Variants in SRSF10 observed in about 807,000 individuals in gnomAD.
SRSF10 encodes the protein serine and arginine rich splicing factor 10.
SRSF10 carries 9 observed loss-of-function variants against 32.6 expected under a neutral mutation model. The observed-to-expected ratio is 0.28, with a 90% CI of 0.17 to 0.48. The LOEUF (loss-of-function observed/expected upper bound fraction) is 0.48. SRSF10 is among the 20% of genes least tolerant of loss of function. The pLI is 0.99. For synonymous variants in SRSF10, 105 were observed against 112.4 expected (o/e 0.93, Z 0.42); for missense variants, 201 against 331.8 (o/e 0.61, Z 3.06).
intron 3 of SRSF10, among the ~76,000 whole-genome samples, chr1:23,974,752 C>T (rs1388789330): frequency 1.3e-5 from 2 of 151,748 alleles, no homozygotes; most frequent in Non-Finnish European, 1.5e-5. Context: ...TCATTTGAAC[C>T]CGGGAGGTGG....
rs1641600124 is a variant in SRSF10, at chr1:23,969,080, T to G, written c.*2062A>C. ...CTGTAATAATTCCAGTTAATCATTA[T>G]TTCCTTCATTTTGTTTTTATTATAG... is the stretch of plus-strand genomic sequence containing the variant. On this transcript the variant is annotated 3_prime_UTR_variant, in exon 6 of 6. Transcript: ENST00000492112. 1.0e-6 allele frequency: 1 copy of G among 963,650 alleles called. No individual in the cohort carries two copies. Among genetic ancestry groups the G allele is most frequent in the Non-Finnish European group, 1.2e-6 (1 of 809,692 alleles). The allele number at this position is 963,650 out of a possible 1,614,324, so 59.7% of individuals were successfully genotyped here.
rs1641713429 is a variant in SRSF10, at chr1:23,970,819, G to T, written c.*323C>A. The T allele has an allele frequency of 1.9e-6, 2 of 1,079,050 alleles. No individual in the cohort carries two copies. Among genetic ancestry groups the T allele is most frequent in the South Asian group, 3.5e-5 (1 of 28,308 alleles). The allele number at this position is 1,079,050 out of a possible 1,614,324, so 66.8% of individuals were successfully genotyped here. On this transcript the variant is annotated 3_prime_UTR_variant, in exon 6 of 6. Transcript: ENST00000492112. ...AGTTCTACCAAATATGAATATGAAA[G>T]TTTATTTTTAATGAGACAATGTTGC...
chr1:23,973,051 G>A lies in SRSF10; in HGVS notation c.275-1039C>T, dbSNP rs111480657. ...TTGAGCCACCGTGCCCAGCCCTGGA[G>A]TCTGTTTTAGAGGTGTCTGTAGTTT... is the stretch of plus-strand genomic sequence containing the variant. On this transcript the variant is annotated intron_variant, in intron 3 of 5. Coordinates refer to ENST00000492112, the MANE Select transcript of SRSF10 (RefSeq NM_054016.4). Among the ~76,000 whole-genome samples, 311 of 152,226 alleles carry A rather than the reference G, an allele frequency of 2.0e-3. 1 individual carries two copies. The highest frequency in any genetic ancestry group is 6.6e-3 in the African/African-American group (273 of 41,530).
intron 2 of SRSF10, chr1:23,975,349 C>G: frequency 3.1e-6 from 1 of 321,966 alleles, no homozygotes. Context: ...AGCTGAATCA[C>G]CAAGTTGTCC....
rs1641527960 is a variant in SRSF10 at position 23,967,886 on chromosome 1, C to T, written c.*3256G>A. Reference sequence around the variant, plus strand: ...TTTCCCCTGGGATGTAACTTAACAGCTCATACTCTATGTAGCACCTTTCCT... The same window carrying T: ...TTTCCCCTGGGATGTAACTTAACAGTTCATACTCTATGTAGCACCTTTCCT... On this transcript the variant is annotated 3_prime_UTR_variant, in exon 6 of 6. Transcript: ENST00000492112. 6.5e-7 allele frequency: 1 copy of T among 1,548,568 alleles called. No individual in the cohort carries two copies. The highest frequency in any genetic ancestry group is 8.7e-7 in the Non-Finnish European group (1 of 1,146,352).
chr1:23,973,205 A>G (rs1641879804), intron 3 of SRSF10, among the ~76,000 whole-genome samples: 1 of 152,262 alleles, frequency 6.6e-6, no homozygotes, highest in African/African-American at 2.4e-5. Context: ...TATGTTAAAA[A>G]TAATACTAAT....
At chr1:23,979,304 G>C (rs991160857) in intron 1 of SRSF10, among the ~76,000 whole-genome samples, 1 of 124,816 alleles carries the variant, frequency 8.0e-6, no homozygotes, top group Non-Finnish European at 1.9e-5. Flanking sequence ...TTTATGGAAA[G>C]AATTATTGCT....
In SRSF10 at chr1:23,971,139, C is replaced by A; in HGVS notation, c.*3G>T. 3 of 1,597,928 alleles carry A rather than the reference C, an allele frequency of 1.9e-6. No homozygotes were observed. Among genetic ancestry groups the A allele is most frequent in the South Asian group, 2.3e-5 (2 of 87,774 alleles). ...TGCCTAAAAATGACCATGGTTTATA[C>A]TATCAGTGGCCACTGGACTTAGGAC... On this transcript the variant is annotated 3_prime_UTR_variant, in exon 6 of 6. Coordinates refer to ENST00000492112, the MANE Select transcript of SRSF10 (RefSeq NM_054016.4).
rs1350095141 is a variant in SRSF10 at position 23,966,490 on chromosome 1, G to A, written c.*4652C>T. ...TATTTATTCGCTATACACAGAACAT[G>A]TCCCCTATAAAATGTACATGTAAAT... On this transcript the variant is annotated 3_prime_UTR_variant, in exon 6 of 6. Coordinates refer to ENST00000492112, the MANE Select transcript of SRSF10 (RefSeq NM_054016.4). The A allele has an allele frequency of 1.3e-5, 2 of 151,964 alleles. No homozygotes were observed. The highest frequency in any genetic ancestry group is 1.9e-4 in the East Asian group (1 of 5,196). The allele number at this position is 151,964 out of a possible 1,614,324, so 9.4% of individuals were successfully genotyped here.
intron 2 of SRSF10, chr1:23,978,075 G>A (rs1642199045): frequency 5.1e-6 from 5 of 985,348 alleles, no homozygotes; most frequent in Non-Finnish European, 6.0e-6. Context: ...TGTAGATAAA[G>A]CGAGGCTTTG....
chr1:23,978,559 G>C (rs1014849767), intron 2 of SRSF10, 154 bp downstream of exon 2: 15 of 959,564 alleles, frequency 1.6e-5, no homozygotes, highest in Non-Finnish European at 2.0e-5. Context: ...TTAATAACGA[G>C]AGCAATGTGT....
At position 23,967,887 on chromosome 1, in the gene SRSF10, T is replaced by C. The variant is rs1378348084; in HGVS notation, c.*3255A>G. The C allele has an allele frequency of 6.5e-7, 1 of 1,549,168 alleles. No individual in the cohort carries two copies. Among genetic ancestry groups the C allele is most frequent in the Admixed American group, 2.0e-5 (1 of 50,600 alleles). Reference sequence around the variant, plus strand: ...TTCCCCTGGGATGTAACTTAACAGCTCATACTCTATGTAGCACCTTTCCTC... The same window carrying C: ...TTCCCCTGGGATGTAACTTAACAGCCCATACTCTATGTAGCACCTTTCCTC... On this transcript the variant is annotated 3_prime_UTR_variant, in exon 6 of 6. Coordinates refer to ENST00000492112, the MANE Select transcript of SRSF10 (RefSeq NM_054016.4).
chr1:23,977,707 T>C, intron 2 of SRSF10: 1 of 223,254 alleles, frequency 4.5e-6, no homozygotes, highest in Non-Finnish European at 7.5e-6. Context: ...ATATGCTGAA[T>C]TTAATCTTAA....
At position 23,978,833 on chromosome 1, in the gene SRSF10, A is replaced by G. The variant is rs1570793678; in HGVS notation, c.66-16T>C. On this transcript the variant is annotated splice_polypyrimidine_tract_variant and intron_variant, in intron 1 of 5. Transcript: ENST00000492112. ...GTCTTCAGACCTAAAACATCATAAA[A>G]AGACCTCAAATTTTTATGTCCAAGT... 1 of 1,593,688 alleles carries G rather than the reference A, an allele frequency of 6.3e-7. No homozygotes were observed. Among genetic ancestry groups the G allele is most frequent in the South Asian group, 1.1e-5 (1 of 87,594 alleles).
At position 23,967,855 on chromosome 1, in the gene SRSF10, C is replaced by T; in HGVS notation, c.*3287G>A. ...TTCAAGAGAATAATACAATAGTTCC[C>T]AGGTCTTTCCCCTGGGATGTAACTT... On this transcript the variant is annotated 3_prime_UTR_variant, in exon 6 of 6. Coordinates refer to ENST00000492112, the MANE Select transcript of SRSF10 (RefSeq NM_054016.4). 1.3e-6 allele frequency: 2 copies of T among 1,550,084 alleles called. No individual in the cohort carries two copies. Among genetic ancestry groups the T allele is most frequent in the Non-Finnish European group, 1.7e-6 (2 of 1,146,878 alleles).
rs1641669541 is a variant in SRSF10 at position 23,970,331 on chromosome 1, T to C, written c.*811A>G. 1.1e-6 allele frequency: 1 copy of C among 906,012 alleles called. No individual in the cohort carries two copies. The highest frequency in any genetic ancestry group is 1.8e-5 in the African/African-American group (1 of 55,284). 56.1% of individuals were successfully genotyped at this position (906,012 alleles called of 1,614,324 possible). A position where few individuals can be genotyped will look rare whatever the true frequency, so the allele number is the denominator to read the frequency against. On this transcript the variant is annotated 3_prime_UTR_variant, in exon 6 of 6. Transcript: ENST00000492112. ...AACAAAAGAACTAATCCACACTGCATCAAAAATAATTATCATTGGCCTAGA... is the reference window on the plus strand; with the variant it reads ...AACAAAAGAACTAATCCACACTGCACCAAAAATAATTATCATTGGCCTAGA...
chr1:23,973,454 C>T (rs1570777261), intron 3 of SRSF10, among the ~76,000 whole-genome samples: 1 of 152,112 alleles, frequency 6.6e-6, no homozygotes, highest in Non-Finnish European at 1.5e-5. Context: ...CTAGCGGGGA[C>T]CACAGGTGTG....
chr1:23,969,548 C>A lies in SRSF10; in HGVS notation c.*1594G>T, dbSNP rs1222390300. On this transcript the variant is annotated 3_prime_UTR_variant, in exon 6 of 6. Coordinates refer to ENST00000492112, the MANE Select transcript of SRSF10 (RefSeq NM_054016.4). ...ACAGGCAAAGCCTAGATTACTAAAACCGAAATTGAAAAAAGTAATCCTCTA... is the reference window on the plus strand; with the variant it reads ...ACAGGCAAAGCCTAGATTACTAAAAACGAAATTGAAAAAAGTAATCCTCTA... 43 of 985,238 alleles carry A rather than the reference C, an allele frequency of 4.4e-5. No individual in the cohort carries two copies. In the South Asian group the frequency reaches 1.6e-3, roughly 36 times the overall value. The allele number at this position is 985,238 out of a possible 1,614,324, so 61.0% of individuals were successfully genotyped here.
At chr1:23,972,065 G>T (rs2148501271) in intron 3 of SRSF10, 53 bp from the exon 4 acceptor site, 2 of 1,398,458 alleles carry the variant, frequency 1.4e-6, no homozygotes, top group East Asian at 5.2e-5. Context: ...CAGTATTAAA[G>T]CCCTCAATAA....
Sources: gnomAD v4.1 joint callset for allele counts (sites outside exome capture counted in the v4.1 genomes callset) on GRCh38, gnomAD v4.1.1 for gene constraint, MANE v1.5 for transcripts, NCBI Gene and HGNC (gene_info 2026-07-23, HGNC 2026-07-21) for gene names.